NAALADL2: variants seen among roughly 807,000 people sequenced by gnomAD.
NAALADL2 encodes the protein N-acetylated alpha-linked acidic dipeptidase like 2.
Under a neutral mutation model 87.2 loss-of-function variants are expected in NAALADL2, and 76 were observed. That is an observed-to-expected ratio of 0.87 (90% CI 0.72 to 1.05). The LOEUF (loss-of-function observed/expected upper bound fraction) is 1.05, where lower values mean the gene tolerates loss of function less well. NAALADL2 is among the 50% of genes least tolerant of loss of function. The pLI is 0.00. For synonymous variants in NAALADL2, 354 were observed against 331.0 expected (o/e 1.07, Z -0.75); for missense variants, 1,089 against 945.8 (o/e 1.15, Z -1.99).
intron 12 of NAALADL2, among the ~76,000 whole-genome samples, chr3:175,749,776 G>A (rs1746396594): frequency 1.3e-5 from 2 of 152,138 alleles, no homozygotes; most frequent in Admixed American, 1.3e-4. Context: ...CTGATCCCAG[G>A]TCCCGGCAGG....
At chr3:174,792,527 C>T (rs550792128) in intron 3 of NAALADL2, among the ~76,000 whole-genome samples, 2 of 152,092 alleles carry the variant, frequency 1.3e-5, no homozygotes, top group Admixed American at 6.6e-5. Flanking sequence ...ATGGCTGTGG[C>T]ATCAATTCTT....
intron 1 of NAALADL2, among the ~76,000 whole-genome samples, chr3:174,884,853 C>T (rs1361921379): frequency 1.3e-5 from 2 of 152,068 alleles, no homozygotes; most frequent in Non-Finnish European, 2.9e-5. Flanking sequence ...TCTAGGGGCC[C>T]GCCAGGAATT....
intron 1 of NAALADL2, among the ~76,000 whole-genome samples, chr3:175,011,841 C>G (rs1235040125): frequency 6.6e-6 from 1 of 152,046 alleles, no homozygotes. Flanking sequence ...TAAGACTCTT[C>G]TGTGAATCAG....
At chr3:174,600,060 T>A (rs1718289273) in intron 2 of NAALADL2, among the ~76,000 whole-genome samples, 1 of 152,160 alleles carries the variant, frequency 6.6e-6, no homozygotes, top group South Asian at 2.1e-4. Context: ...GTTTACAGTA[T>A]TCTTTATAGT....
intron 1 of NAALADL2, among the ~76,000 whole-genome samples, chr3:174,503,267 C>T (rs969634360): frequency 1.3e-5 from 2 of 152,112 alleles, no homozygotes; most frequent in Non-Finnish European, 2.9e-5. Context: ...AAATGTCTGC[C>T]ATGTTTCTGA....
At chr3:174,810,643 G>T (rs1720070137) in intron 3 of NAALADL2, among the ~76,000 whole-genome samples, 1 of 151,848 alleles carries the variant, frequency 6.6e-6, no homozygotes, top group Non-Finnish European at 1.5e-5. Flanking sequence ...TATTTAAAAG[G>T]GAAGCAGAGC....
intron 5 of NAALADL2, among the ~76,000 whole-genome samples, chr3:175,416,434 C>A (rs1427157015): frequency 1.3e-5 from 2 of 152,060 alleles, no homozygotes; most frequent in African/African-American, 2.4e-5. Flanking sequence ...AATTGAATCA[C>A]CACTTCCTTA....
chr3:175,667,669 G>T (rs1403202392), intron 11 of NAALADL2, among the ~76,000 whole-genome samples: 4 of 151,316 alleles, frequency 2.6e-5, no homozygotes, highest in South Asian at 4.2e-4. Context: ...TGTACACCTT[G>T]CTTTTCACTT....
In NAALADL2 at chr3:175,272,066, A is replaced by G. The variant is rs1290987810; in HGVS notation, c.939+15536A>G. 2.6e-5 allele frequency among the ~76,000 whole-genome samples: 4 copies of G among 152,188 alleles called. No homozygotes were observed. In the East Asian group the frequency reaches 7.7e-4, roughly 29 times the overall value. ...GATCACGTTAGCCCCTGGTAAGAAG[A>G]AAACTTCCAAACAAAAAGTAAGAAG... is the stretch of plus-strand genomic sequence containing the variant. On this transcript the variant is annotated intron_variant, in intron 4 of 13. Transcript: ENST00000454872.
At chr3:174,996,154 T>C (rs1349087693) in intron 1 of NAALADL2, among the ~76,000 whole-genome samples, 1 of 152,196 alleles carries the variant, frequency 6.6e-6, no homozygotes, top group African/African-American at 2.4e-5. Context: ...GGCAAATCTT[T>C]CTTTAATCTA....
intron 1 of NAALADL2, among the ~76,000 whole-genome samples, chr3:175,041,098 G>A (rs1282561631): frequency 6.6e-5 from 10 of 151,978 alleles, no homozygotes; most frequent in Admixed American, 5.9e-4. Flanking sequence ...TTTGCATATC[G>A]TGGATATAGC....
At chr3:174,472,997 G>A (rs754081821) in intron 1 of NAALADL2, among the ~76,000 whole-genome samples, 2 of 152,116 alleles carry the variant, frequency 1.3e-5, no homozygotes, top group African/African-American at 2.4e-5. Context: ...GATTTCTTCT[G>A]ACAGAAGCAT....
intron 11 of NAALADL2, among the ~76,000 whole-genome samples, chr3:175,720,478 G>A (rs963740406): frequency 2.0e-5 from 3 of 152,042 alleles, no homozygotes; most frequent in African/African-American, 7.2e-5. Context: ...AGTGAAAAAT[G>A]AGAAAGTCAT....
intron 11 of NAALADL2, among the ~76,000 whole-genome samples, chr3:175,667,175 A>AAG (rs1424731371): frequency 4.1e-4 from 55 of 132,674 alleles, no homozygotes; most frequent in African/African-American, 1.2e-3. Context: ...GAAAGAAAGA[A>AAG]AGAAAGAGAA....
intron 2 of NAALADL2, among the ~76,000 whole-genome samples, chr3:174,632,699 G>T (rs748995233): frequency 7.2e-5 from 11 of 152,074 alleles, no homozygotes; most frequent in Non-Finnish European, 1.6e-4. Flanking sequence ...ACTTTGGGAG[G>T]CTGAGGCAGG....
At chr3:175,673,211 A>C (rs915755910) in intron 11 of NAALADL2, among the ~76,000 whole-genome samples, 6 of 152,194 alleles carry the variant, frequency 3.9e-5, no homozygotes, top group Non-Finnish European at 7.4e-5. Flanking sequence ...TCTTGTGAGA[A>C]TAAAACTTTT....
intron 1 of NAALADL2, among the ~76,000 whole-genome samples, chr3:174,449,986 A>G (rs372923676): frequency 1.3e-5 from 2 of 151,188 alleles, no homozygotes. Flanking sequence ...TAAAGCATAT[A>G]TATACACACA....
chr3:174,525,330 G>A (rs1401012716), intron 1 of NAALADL2, among the ~76,000 whole-genome samples: 1 of 152,212 alleles, frequency 6.6e-6, no homozygotes, highest in Non-Finnish European at 1.5e-5. Context: ...CATTCTGCAG[G>A]CTGTACGGGA....
rs531429174 is a variant in NAALADL2 at position 175,009,390 on chromosome 3, C to T, written c.44-87400C>T. Among the ~76,000 whole-genome samples the T allele has an allele frequency of 7.9e-5, 12 of 152,230 alleles. No individual in the cohort carries two copies. The South Asian group carries it at 2.5e-3, about 32-fold the overall frequency. On this transcript the variant is annotated intron_variant, in intron 1 of 13. Coordinates refer to ENST00000454872, the MANE Select transcript of NAALADL2 (RefSeq NM_207015.3). ...ATCATTATATATATTAAAATGTTAA[C>T]ATGGTTAACACGCCACCATAAACGA...
Sources: allele counts gnomAD v4.1 joint callset (sites outside exome capture counted in the v4.1 genomes callset), GRCh38; gene constraint gnomAD v4.1.1; transcripts MANE v1.5; gene names NCBI Gene and HGNC (gene_info 2026-07-23, HGNC 2026-07-21).